CDC7: variants seen among roughly 807,000 people sequenced by gnomAD.
The protein encoded by CDC7 is cell division cycle 7.
Under a neutral mutation model 53.5 loss-of-function variants are expected in CDC7, and 34 were observed. The observed-to-expected ratio is 0.64, with a 90% CI of 0.48 to 0.85. CDC7 has a LOEUF of 0.85. Among genes scored for constraint, CDC7 ranks in the 40% least tolerant of loss-of-function variants. CDC7 has a pLI of 0.00. For synonymous variants in CDC7, 211 were observed against 222.8 expected (o/e 0.95, Z 0.47); for missense variants, 594 against 679.7 (o/e 0.87, Z 1.40).
rs1285294410 is a variant in CDC7, at chr1:91,525,349, A to AT, written c.*919dup. The AT allele has an allele frequency of 2.6e-5, 4 of 152,116 alleles. No homozygotes were observed. The East Asian group carries it at 7.7e-4, about 29-fold the overall frequency. The allele number at this position is 152,116 out of a possible 1,614,324, so 9.4% of individuals were successfully genotyped here. ...TACAGAATTGACGGTATTATTGGAG[A>AT]TTTTTCCTCTGCGTAGAGCCATCCA... On this transcript the variant is annotated 3_prime_UTR_variant, in exon 12 of 12. Coordinates refer to ENST00000234626, the MANE Select transcript of CDC7 (RefSeq NM_003503.4).
In CDC7 at chr1:91,513,096, AT is replaced by A; in HGVS notation, c.612del (p.His204GlnfsTer5). 4.3e-6 allele frequency: 7 copies of A among 1,613,616 alleles called. No individual in the cohort carries two copies. The highest frequency in any genetic ancestry group is 5.9e-6 in the Non-Finnish European group (7 of 1,179,646). Reference sequence around the variant, plus strand: ...GACTTTGGTTTGGCCCAAGGAACCCATGATACGAAAATAGAGCTTCTTAAAT... The same window carrying A: ...GACTTTGGTTTGGCCCAAGGAACCCAGATACGAAAATAGAGCTTCTTAAAT... ...LVDFGLAQGT[H>X]DTKIELLKFV... On this transcript the variant is annotated frameshift_variant, in exon 7 of 12. Transcript: ENST00000234626. LOFTEE classifies it high-confidence loss of function.
intron 2 of CDC7, among the ~76,000 whole-genome samples, chr1:91,504,594 A>G (rs1666884976): frequency 6.6e-6 from 1 of 152,194 alleles, no homozygotes; most frequent in Non-Finnish European, 1.5e-5. Flanking sequence ...CCATGCTTCT[A>G]AAATGGGCTA....
At chr1:91,508,729 TGAC>T (rs1344883875) in intron 4 of CDC7, among the ~76,000 whole-genome samples, 4 of 152,150 alleles carry the variant, frequency 2.6e-5, no homozygotes, top group Admixed American at 6.6e-5. Flanking sequence ...CCCCAGCTAT[TGAC>T]GACCTCATCT....
chr1:91,516,744 CAAGA>C (rs1667577747), intron 10 of CDC7, among the ~76,000 whole-genome samples: 1 of 152,122 alleles, frequency 6.6e-6, no homozygotes, highest in Non-Finnish European at 1.5e-5. Context: ...CCAAGGAACT[CAAGA>C]AACAGCATAC....
In CDC7 at chr1:91,515,892, A is replaced by C; in HGVS notation, c.1180+16A>C. On this transcript the variant is annotated intron_variant, in intron 10 of 11. Transcript: ENST00000234626. ...CAAACTACAGGTATGTTGTACTGGA[A>C]ATACAGAACCTAGTTAAAATGGATT... 1 of 1,582,588 alleles carries C rather than the reference A, an allele frequency of 6.3e-7. No individual in the cohort carries two copies. Among genetic ancestry groups the C allele is most frequent in the Admixed American group, 1.7e-5 (1 of 59,864 alleles).
intron 10 of CDC7, among the ~76,000 whole-genome samples, chr1:91,518,653 A>G (rs923104193): frequency 6.6e-6 from 1 of 152,174 alleles, no homozygotes; most frequent in Non-Finnish European, 1.5e-5. Context: ...CAAGAGTTGC[A>G]TGTTCTCACT....
intron 10 of CDC7, among the ~76,000 whole-genome samples, chr1:91,519,052 C>T (rs1395814666): frequency 2.0e-5 from 3 of 147,572 alleles, no homozygotes; most frequent in Non-Finnish European, 4.5e-5. Context: ...CAGAGCCAGA[C>T]CCCATCTCGA....
In CDC7 at chr1:91,524,127, C is replaced by T. The variant is rs1668139590; in HGVS notation, c.1417C>T (p.Pro473Ser). 4 of 1,613,872 alleles carry T rather than the reference C, an allele frequency of 2.5e-6. No homozygotes were observed. In the East Asian group the frequency reaches 8.9e-5, roughly 36 times the overall value. Residue 473 changes from proline (P) to serine (S), a missense_variant, in exon 12 of 12, where the codon CCC becomes TCC. Physicochemically the swap from Pro to Ser is moderately conservative, Grantham distance 74 (BLOSUM62 -1). Coordinates refer to ENST00000234626, the MANE Select transcript of CDC7 (RefSeq NM_003503.4). Reference sequence around the variant, plus strand: ...ACTCAGGGGTATGGATTCTAGCACTCCCAAGTTAACAAGTGATATACAAGG... The same window carrying T: ...ACTCAGGGGTATGGATTCTAGCACTTCCAAGTTAACAAGTGATATACAAGG... The part of the protein sequence containing the change: ...ERLRGMDSST[P>S]KLTSDIQGHA...
At chr1:91,522,766 A>G (rs1002146916) in intron 11 of CDC7, among the ~76,000 whole-genome samples, 9 of 152,162 alleles carry the variant, frequency 5.9e-5, no homozygotes, top group African/African-American at 2.2e-4. Context: ...ACTCTCAAAG[A>G]ATTTGGTCTT....
chr1:91,522,070 C>G (rs1453629920), intron 11 of CDC7, among the ~76,000 whole-genome samples: 1 of 152,056 alleles, frequency 6.6e-6, no homozygotes, highest in African/African-American at 2.4e-5. Flanking sequence ...GAGGCTGAGG[C>G]AGGAGAACCA....
chr1:91,522,439 T>A (rs1476868613), intron 11 of CDC7, among the ~76,000 whole-genome samples: 1 of 152,152 alleles, frequency 6.6e-6, no homozygotes, highest in South Asian at 2.1e-4. Flanking sequence ...TTGTGTTGAA[T>A]AAATTAAAAA....
chr1:91,522,432 T>C (rs1668005680), intron 11 of CDC7, among the ~76,000 whole-genome samples: 1 of 152,198 alleles, frequency 6.6e-6, no homozygotes, highest in Non-Finnish European at 1.5e-5. Flanking sequence ...CAGTGAATTG[T>C]GTTGAATAAA....
Position 91,511,807 on chromosome 1 carries a change from A to G in CDC7, c.456A>G (p.Gln152=), listed in dbSNP as rs983789539. The stretch of plus-strand genomic sequence containing the variant: ...ACATTCTGAATTCTCTTTCCTTTCA[A>G]GAAGTACGGGAATATATGCTTAATC... ...FLDILNSLSF[Q]EVREYMLNLF... Residue 152 remains glutamine (Q), a synonymous_variant, in exon 6 of 12, where the codon CAA becomes CAG. Transcript: ENST00000234626. 2 of 1,605,402 alleles carry G rather than the reference A, an allele frequency of 1.2e-6. No homozygotes were observed. The highest frequency in any genetic ancestry group is 1.3e-5 in the African/African-American group (1 of 74,768).
Position 91,524,682 on chromosome 1 carries a change from A to G in CDC7, c.*247A>G, listed in dbSNP as rs1047753397. On this transcript the variant is annotated 3_prime_UTR_variant, in exon 12 of 12. Coordinates refer to ENST00000234626, the MANE Select transcript of CDC7 (RefSeq NM_003503.4). ...AGTAGATTTTAGGTGGGTTCCTATT[A>G]GGTCAGATTTTTAGCTTCCCTAATT... 2 of 385,398 alleles carry G rather than the reference A, an allele frequency of 5.2e-6. No individual in the cohort carries two copies. The highest frequency in any genetic ancestry group is 2.1e-5 in the African/African-American group (1 of 48,292). The allele number at this position is 385,398 out of a possible 1,614,324, so 23.9% of individuals were successfully genotyped here. A position where few individuals can be genotyped will look rare whatever the true frequency, so the allele number is the denominator to read the frequency against.
Position 91,513,988 on chromosome 1 carries a change from G to A in CDC7, c.863G>A (p.Gly288Glu), listed in dbSNP as rs768583317. Residue 288 changes from glycine to glutamate, a missense_variant, in exon 8 of 12, where the codon GGA becomes GAA. Gly to Glu is a moderately conservative substitution (Grantham distance 98). Coordinates refer to ENST00000234626, the MANE Select transcript of CDC7 (RefSeq NM_003503.4). ...VGLSVQRSVF[G>E]ERNFNIHSSI... is the part of the protein sequence containing the mutation. ...CTTTCTGTCCAGCGCTCTGTTTTTG[G>A]AGAAAGAAATTTCAATATACACAGC... 6.2e-7 allele frequency: 1 copy of A among 1,612,494 alleles called. No homozygotes were observed. Among genetic ancestry groups the A allele is most frequent in the East Asian group, 2.2e-5 (1 of 44,810 alleles).
At chr1:91,523,823 A>G (rs888271346) in intron 11 of CDC7, among the ~76,000 whole-genome samples, 4 of 152,052 alleles carry the variant, frequency 2.6e-5, no homozygotes, top group African/African-American at 7.2e-5. Context: ...TGTACTTACT[A>G]TCTCCCACTT....
intron 10 of CDC7, among the ~76,000 whole-genome samples, chr1:91,519,733 C>A (rs1209123096): frequency 1.3e-5 from 2 of 152,154 alleles, no homozygotes; most frequent in African/African-American, 4.8e-5. Context: ...GCACTTTGAC[C>A]AGTATGGTAT....
intron 2 of CDC7, among the ~76,000 whole-genome samples, 184 bp downstream of exon 2, chr1:91,502,015 G>C (rs1041038269): frequency 6.6e-6 from 1 of 152,192 alleles, no homozygotes; most frequent in Non-Finnish European, 1.5e-5. Flanking sequence ...TTGGAAGACT[G>C]TAATACAACC....
chr1:91,509,215 C>T (rs1413037684), intron 4 of CDC7, among the ~76,000 whole-genome samples: 1 of 152,150 alleles, frequency 6.6e-6, no homozygotes, highest in Non-Finnish European at 1.5e-5. Context: ...TCCATTTCCA[C>T]ATGATCTAAA....
Sources: gnomAD v4.1 joint callset for allele counts (sites outside exome capture counted in the v4.1 genomes callset) on GRCh38, gnomAD v4.1.1 for gene constraint, MANE v1.5 for transcripts, NCBI Gene and HGNC (gene_info 2026-07-23, HGNC 2026-07-21) for gene names.